TARS1: variants seen among roughly 807,000 people sequenced by gnomAD.
TARS1 encodes threonine--tRNA ligase 1, cytoplasmic.
Under a neutral mutation model 97.7 loss-of-function variants are expected in TARS1, and 57 were observed. That is an observed-to-expected ratio of 0.58 (90% confidence interval 0.47 to 0.73). TARS1 has a LOEUF of 0.73. Ranked by LOEUF, TARS1 falls within the 30% of genes least tolerant of loss-of-function variation. TARS1 has a pLI of 0.00. For synonymous variants in TARS1, 312 were observed against 293.7 expected (o/e 1.06, Z -0.64); for missense variants, 806 against 888.3 (o/e 0.91, Z 1.18).
At chr5:33,455,804 A>T (rs930658318) in intron 6 of TARS1, 100 bp downstream of exon 6, 2 of 1,032,700 alleles carry the variant, frequency 1.9e-6, no homozygotes, top group East Asian at 4.8e-5. Context: ...CTGAAGTCTA[A>T]TTGGTTCTTT....
intron 1 of TARS1, among the ~76,000 whole-genome samples, chr5:33,444,100 A>G (rs1397660869): frequency 6.6e-6 from 1 of 152,260 alleles, no homozygotes; most frequent in Non-Finnish European, 1.5e-5. Context: ...GTATTGATGC[A>G]TGTTACAACC....
At chr5:33,458,730 T>C in intron 10 of TARS1, 66 bp downstream of exon 10, 1 of 1,205,466 alleles carries the variant, frequency 8.3e-7, no homozygotes, top group Non-Finnish European at 1.2e-6. Context: ...AAATAAGGTC[T>C]ACTAAAAGGA....
chr5:33,444,173 T>C (rs1741295774), intron 1 of TARS1, among the ~76,000 whole-genome samples: 1 of 152,226 alleles, frequency 6.6e-6, no homozygotes, highest in South Asian at 2.1e-4. Flanking sequence ...ACATAATGTG[T>C]GATTCTATTT....
At chr5:33,443,475 CTTTTTT>C (rs199902596) in intron 1 of TARS1, among the ~76,000 whole-genome samples, 1,511 of 130,294 alleles carry the variant, frequency 0.012, 24 homozygotes, top group African/African-American at 0.041. Context: ...ATTTTTCTTT[CTTTTTT>C]TTTTTTTTTT....
At chr5:33,466,765 G>A in intron 17 of TARS1, 106 bp from the exon 18 acceptor site, 1 of 649,126 alleles carries the variant, frequency 1.5e-6, no homozygotes, top group Non-Finnish European at 2.4e-6. Context: ...TAAATTCCTG[G>A]AAGTTCATCC....
intron 10 of TARS1, among the ~76,000 whole-genome samples, chr5:33,459,080 A>G (rs116793555): frequency 0.011 from 1,698 of 151,964 alleles, 16 homozygotes; most frequent in Non-Finnish European, 0.019. Flanking sequence ...TTTGCTTGAG[A>G]TTTTTTCATT....
rs372720081 is a variant in TARS1, at chr5:33,462,094, T to C, written c.1731-5T>C. 6.2e-6 allele frequency: 10 copies of C among 1,609,886 alleles called. No individual in the cohort carries two copies. In the African/African-American group the frequency reaches 1.1e-4, roughly 17 times the overall value. ...AAGACAAAACAATTTTTTTTTTCTT[T>C]ATAGCCATGATGGTGATGATAAGAA... On this transcript the variant is annotated splice_region_variant and splice_polypyrimidine_tract_variant and intron_variant, in intron 15 of 18. Coordinates refer to ENST00000265112, the MANE Select transcript of TARS1 (RefSeq NM_152295.5).
intron 4 of TARS1, 23 bp from the exon 5 acceptor site, chr5:33,454,922 G>A (rs1320391587): frequency 6.2e-7 from 1 of 1,611,452 alleles, no homozygotes; most frequent in East Asian, 2.2e-5. Flanking sequence ...CTCAGACCAT[G>A]CCATTTTTCT....
intron 17 of TARS1, among the ~76,000 whole-genome samples, chr5:33,464,183 C>T (rs2111597292): frequency 6.6e-6 from 1 of 152,296 alleles, no homozygotes; most frequent in South Asian, 2.1e-4. Flanking sequence ...TCCCGAGTAG[C>T]AGTGACTACA....
upstream of TARS1, chr5:33,440,794 A>G (rs1025428508): frequency 5.7e-6 from 3 of 530,318 alleles, no homozygotes; most frequent in East Asian, 9.1e-5. Context: ...GAGAGTAGGC[A>G]TGTAGCTTCT....
chr5:33,446,684 G>C, intron 2 of TARS1: 1 of 1,289,404 alleles, frequency 7.8e-7, no homozygotes, highest in Non-Finnish European at 1.0e-6. Flanking sequence ...ATGTTGAAGA[G>C]ATTTTGACAC....
At chr5:33,452,250 T>G in intron 3 of TARS1, 1 of 984,656 alleles carries the variant, frequency 1.0e-6, no homozygotes. Flanking sequence ...TTGCCTACCT[T>G]CGTTGAGATG....
At chr5:33,452,088 TCA>T (rs1741771657) in intron 3 of TARS1, among the ~76,000 whole-genome samples, 1 of 152,230 alleles carries the variant, frequency 6.6e-6, no homozygotes, top group Non-Finnish European at 1.5e-5. Flanking sequence ...CTCTTGATCC[TCA>T]GATAGGAGTT....
In TARS1 at chr5:33,448,694, T is replaced by C. The variant is rs746620100; in HGVS notation, c.292T>C (p.Trp98Arg). 16 of 1,613,672 alleles carry C rather than the reference T, an allele frequency of 9.9e-6. No individual in the cohort carries two copies. Among genetic ancestry groups the C allele is most frequent in the Non-Finnish European group, 1.4e-5 (16 of 1,179,852 alleles). Reference sequence around the variant, plus strand: ...TGGTAAACAGGTTGATGCGGAATCTTGGAAAACTACACCATATCAAATTGC... The same window carrying C: ...TGGTAAACAGGTTGATGCGGAATCTCGGAAAACTACACCATATCAAATTGC... ...PDGKQVDAES[W>R]KTTPYQIACG... Residue 98 changes from tryptophan to arginine, a missense_variant, in exon 3 of 19, where the codon TGG becomes CGG. Physicochemically the swap from Trp to Arg is moderately radical, Grantham distance 101 (BLOSUM62 -3). Around this residue, in one of 3 missense-constraint regions of TARS1, gnomAD observed 356 missense variants for 357.8 expected, o/e 0.99. Coordinates refer to ENST00000265112, the MANE Select transcript of TARS1 (RefSeq NM_152295.5).
chr5:33,441,334 G>A, intron 1 of TARS1, 191 bp downstream of exon 1: 1 of 619,458 alleles, frequency 1.6e-6, no homozygotes, highest in South Asian at 1.9e-5. Context: ...AATTAGGGTG[G>A]GGCCTTGCAG....
rs1331948342 is a variant in TARS1, at chr5:33,455,994, G to A, written c.694-8G>A. 2 of 1,612,570 alleles carry A rather than the reference G, an allele frequency of 1.2e-6. No homozygotes were observed. Among genetic ancestry groups the A allele is most frequent in the African/African-American group, 1.3e-5 (1 of 74,834 alleles). On this transcript the variant is annotated splice_region_variant and splice_polypyrimidine_tract_variant and intron_variant, in intron 6 of 18. Transcript: ENST00000265112. ...GTTTTTTAAAATAATAATTTTTCCT[G>A]TTTTCAGTACAACAAGTTCAAATGC...
chr5:33,453,972 G>A (rs1390422013), intron 4 of TARS1, among the ~76,000 whole-genome samples: 3 of 151,972 alleles, frequency 2.0e-5, no homozygotes, highest in East Asian at 1.9e-4. Flanking sequence ...TGCCCACCTC[G>A]GCCCCCCAAA....
rs780280459 is a variant in TARS1 at position 33,457,256 on chromosome 5, G to C, written c.838-1G>C. The C allele has an allele frequency of 6.2e-7, 1 of 1,609,860 alleles. No homozygotes were observed. The highest frequency in any genetic ancestry group is 1.1e-5 in the South Asian group (1 of 89,994). ...GTTTCATGGTTAATCCTTGTTTTCA[G>C]AATTCCTCCACGTACTGGGAAGGCA... On this transcript the variant is annotated splice_acceptor_variant, in intron 8 of 18. Transcript: ENST00000265112. LOFTEE classifies it high-confidence loss of function.
At chr5:33,455,332 TGA>T in intron 5 of TARS1, among the ~76,000 whole-genome samples, 1 of 152,188 alleles carries the variant, frequency 6.6e-6, no homozygotes, top group Admixed American at 6.5e-5. Context: ...TAAAACCTGG[TGA>T]TAGAGTTGCG....
Sources: gnomAD v4.1 joint callset for allele counts (sites outside exome capture counted in the v4.1 genomes callset) on GRCh38, gnomAD v4.1.1 for gene constraint, gnomAD v4.1.1 regional missense constraint, MANE v1.5 for transcripts, NCBI Gene and HGNC (gene_info 2026-07-23, HGNC 2026-07-21) for gene names.